KIF16B: variants seen among roughly 807,000 people sequenced by gnomAD.
KIF16B encodes kinesin-like protein KIF16B.
KIF16B carries 98 observed loss-of-function variants against 156.3 expected under a neutral mutation model. The observed-to-expected ratio is 0.63, with a 90% CI of 0.53 to 0.74. The LOEUF (loss-of-function observed/expected upper bound fraction) is 0.74, where lower values mean the gene tolerates loss of function less well. Among genes scored for constraint, KIF16B ranks in the 30% least tolerant of loss-of-function variants. KIF16B has a pLI of 0.00. For missense variants in KIF16B, 1,421 were observed against 1,606.5 expected (o/e 0.88, Z 1.97); for synonymous variants, 564 against 583.7 (o/e 0.97, Z 0.49).
intron 22 of KIF16B, among the ~76,000 whole-genome samples, chr20:16,365,941 G>A (rs556922058): frequency 2.3e-4 from 35 of 152,164 alleles, no homozygotes; most frequent in Non-Finnish European, 4.9e-4. Context: ...ACAGAAGCAC[G>A]TCTCCTTCCT....
intron 12 of KIF16B, among the ~76,000 whole-genome samples, chr20:16,448,646 T>C (rs2066998033): frequency 1.3e-5 from 2 of 151,988 alleles, no homozygotes; most frequent in South Asian, 4.1e-4. Context: ...CCAACATCAA[T>C]GACCATAAAC....
intron 12 of KIF16B, among the ~76,000 whole-genome samples, chr20:16,476,132 C>G (rs1042351611): frequency 6.6e-6 from 1 of 152,126 alleles, no homozygotes; most frequent in African/African-American, 2.4e-5. Context: ...ACAGGCAGAG[C>G]GTGTTTTCCT....
At chr20:16,478,336 C>T (rs1288419708) in intron 12 of KIF16B, among the ~76,000 whole-genome samples, 1 of 152,126 alleles carries the variant, frequency 6.6e-6, no homozygotes. Context: ...TGTAGACCAA[C>T]CGGGCTGCAG....
At chr20:16,425,362 C>T (rs1429324236) in intron 15 of KIF16B, among the ~76,000 whole-genome samples, 1 of 152,010 alleles carries the variant, frequency 6.6e-6, no homozygotes, top group Non-Finnish European at 1.5e-5. Context: ...GCTGTGTGAC[C>T]CTTTAAATAG....
chr20:16,283,770 T>A (rs558268844), intron 25 of KIF16B, among the ~76,000 whole-genome samples: 3 of 152,080 alleles, frequency 2.0e-5, no homozygotes, highest in African/African-American at 7.2e-5. Context: ...TATGGTCTCA[T>A]GGGTTGAAAC....
chr20:16,298,017 C>T (rs2063416956), intron 25 of KIF16B, among the ~76,000 whole-genome samples: 3 of 152,166 alleles, frequency 2.0e-5, no homozygotes. Context: ...GGCTCCTGGT[C>T]CTCTGGATCA....
intron 1 of KIF16B, among the ~76,000 whole-genome samples, chr20:16,550,485 T>G (rs954681039): frequency 5.9e-5 from 9 of 151,504 alleles, no homozygotes; most frequent in Admixed American, 1.3e-4. Context: ...ATCATTTTCG[T>G]TTTTTTTCCC....
At chr20:16,288,674 T>A (rs532403361) in intron 25 of KIF16B, among the ~76,000 whole-genome samples, 3 of 151,102 alleles carry the variant, frequency 2.0e-5, no homozygotes, top group South Asian at 2.1e-4. Context: ...GTTATTGGGA[T>A]CCCATCATAA....
rs567766663 is a variant in KIF16B at position 16,273,038 on chromosome 20, C to T, written c.*215G>A. 15 of 544,008 alleles carry T rather than the reference C, an allele frequency of 2.8e-5. No individual in the cohort carries two copies. The highest frequency in any genetic ancestry group is 6.2e-5 in the East Asian group (2 of 32,274). 33.7% of individuals were successfully genotyped at this position (544,008 alleles called of 1,614,324 possible). On this transcript the variant is annotated 3_prime_UTR_variant, in exon 26 of 26. Transcript: ENST00000354981. ...ACGTTCAACCGCAATGGAACGGTAACGGCTGCCTGTCAGGGCCACATCAGC... is the reference window on the plus strand; with the variant it reads ...ACGTTCAACCGCAATGGAACGGTAATGGCTGCCTGTCAGGGCCACATCAGC...
chr20:16,283,494 C>A (rs1024900675), intron 25 of KIF16B, among the ~76,000 whole-genome samples: 1 of 152,034 alleles, frequency 6.6e-6, no homozygotes, highest in Non-Finnish European at 1.5e-5. Context: ...CCCTGGGGAG[C>A]AGCGAGCCGT....
At chr20:16,478,155 T>C (rs2067871600) in intron 12 of KIF16B, among the ~76,000 whole-genome samples, 2 of 152,166 alleles carry the variant, frequency 1.3e-5, no homozygotes. Flanking sequence ...ACAATTCACC[T>C]GATGACAAGG....
At chr20:16,436,615 G>A (rs185871499) in intron 12 of KIF16B, among the ~76,000 whole-genome samples, 14 of 152,208 alleles carry the variant, frequency 9.2e-5, no homozygotes, top group Admixed American at 9.2e-4. Context: ...AGCTTCTCAG[G>A]TGCAGGTTTA....
chr20:16,557,172 CAT>C (rs1555802098), intron 1 of KIF16B, among the ~76,000 whole-genome samples: 8 of 149,842 alleles, frequency 5.3e-5, no homozygotes, highest in African/African-American at 9.8e-5. Flanking sequence ...CACACACACA[CAT>C]ACTAATACTA....
chr20:16,518,158 G>A (rs1398286906), intron 3 of KIF16B, among the ~76,000 whole-genome samples: 1 of 152,146 alleles, frequency 6.6e-6, no homozygotes, highest in African/African-American at 2.4e-5. Context: ...CATTCTCAGT[G>A]AGTCTCAAAT....
intron 23 of KIF16B, among the ~76,000 whole-genome samples, chr20:16,341,391 G>A (rs991306976): frequency 6.6e-6 from 1 of 152,100 alleles, no homozygotes; most frequent in Non-Finnish European, 1.5e-5. Flanking sequence ...AGGTATCAGA[G>A]GAGTCTTTTT....
chr20:16,288,800 C>T (rs867315483), intron 25 of KIF16B, among the ~76,000 whole-genome samples: 3 of 141,734 alleles, frequency 2.1e-5, no homozygotes, highest in Admixed American at 6.9e-5. Context: ...CCTTAGTAAA[C>T]ACAGTATGTA....
At chr20:16,418,727 C>A (rs552027754) in intron 15 of KIF16B, among the ~76,000 whole-genome samples, 1 of 152,262 alleles carries the variant, frequency 6.6e-6, no homozygotes, top group Non-Finnish European at 1.5e-5. Flanking sequence ...GTTCACGCAA[C>A]TCATGTAGAG....
At chr20:16,350,452 C>T (rs1453878500) in intron 23 of KIF16B, among the ~76,000 whole-genome samples, 1 of 151,876 alleles carries the variant, frequency 6.6e-6, no homozygotes, top group African/African-American at 2.4e-5. Context: ...CAAGACAAAA[C>T]AGATGTACCC....
chr20:16,318,751 A>C (rs1279488814), intron 24 of KIF16B, among the ~76,000 whole-genome samples: 1 of 152,242 alleles, frequency 6.6e-6, no homozygotes, highest in Non-Finnish European at 1.5e-5. Flanking sequence ...GACAGAATTA[A>C]ATAAATAAAT....
Sources: gnomAD v4.1 joint callset for allele counts (sites outside exome capture counted in the v4.1 genomes callset) on GRCh38, gnomAD v4.1.1 for gene constraint, MANE v1.5 for transcripts, NCBI Gene and HGNC (gene_info 2026-07-23, HGNC 2026-07-21) for gene names.